The following DHRSX variants were observed in gnomAD, a reference collection of about 807,000 sequenced individuals.
DHRSX encodes dehydrogenase/reductase X-linked, also known as polyprenol dehydrogenase.
DHRSX carries 31 observed loss-of-function variants against 34.0 expected under a neutral mutation model. The observed-to-expected ratio is 0.91, with a 90% confidence interval of 0.69 to 1.23. The LOEUF (loss-of-function observed/expected upper bound fraction) is 1.23. Among genes scored for constraint, DHRSX ranks in the 50% most tolerant of loss-of-function variants. The pLI is 0.00. For synonymous variants in DHRSX, 201 were observed against 183.8 expected, an observed-to-expected ratio of 1.09 and a Z score of -0.76; for missense variants, 414 against 428.1, an observed-to-expected ratio of 0.97 and a Z score of 0.29.
Position 2,493,026 on chromosome X carries a change from C to T in DHRSX, c.109+7791G>A, listed in dbSNP as rs192497968. On this transcript the variant is annotated intron_variant, in intron 1 of 6. Coordinates refer to ENST00000334651, the MANE Select transcript of DHRSX (RefSeq NM_145177.3). ...AGTGCTTTTTAGGGAGACGCCGCCA[C>T]GTGCCAGGTGAGCTGGGCATTGCCA... 5.1e-4 allele frequency among the ~76,000 whole-genome samples: 77 copies of T among 152,354 alleles called. No individual in the cohort carries two copies. In the East Asian group the frequency reaches 0.01, roughly 21 times the overall value.
At chrX:2,225,550 G>A (rs1466062747) in intron 6 of DHRSX, among the ~76,000 whole-genome samples, 1 of 152,198 alleles carries the variant, frequency 6.6e-6, no homozygotes, top group Admixed American at 6.5e-5. Context: ...GGCCTCAGGA[G>A]GAACCAGCCC....
chrX:2,345,811 T>C, intron 3 of DHRSX, among the ~76,000 whole-genome samples: 1 of 152,130 alleles, frequency 6.6e-6, no homozygotes, highest in Admixed American at 6.6e-5. Context: ...CAGATGGACT[T>C]TGGACTCCAA....
chrX:2,474,473 G>A (rs1045820174), intron 1 of DHRSX, among the ~76,000 whole-genome samples: 8 of 147,524 alleles, frequency 5.4e-5, no homozygotes, highest in African/African-American at 2.0e-4. Flanking sequence ...GCCAAAAGAC[G>A]GCACTGAAGA....
chrX:2,270,888 G>GGACCAATCAGCA (rs1569482358), intron 4 of DHRSX, among the ~76,000 whole-genome samples: 1 of 113,120 alleles, frequency 8.8e-6, no homozygotes, highest in African/African-American at 3.1e-5. Context: ...ACCAATCAAT[G>GGACCAATCAGCA]CTCTATAAAA....
intron 3 of DHRSX, among the ~76,000 whole-genome samples, chrX:2,293,261 T>A (rs1490510469): frequency 6.6e-6 from 1 of 151,602 alleles, no homozygotes; most frequent in Admixed American, 6.6e-5. Context: ...CTGTTTTTTT[T>A]TTTTTTTTCC....
intron 5 of DHRSX, among the ~76,000 whole-genome samples, chrX:2,250,559 T>C (rs1220377992): frequency 6.6e-6 from 1 of 152,090 alleles, no homozygotes; most frequent in African/African-American, 2.4e-5. Flanking sequence ...TCATGGCATC[T>C]GTAAACCGTC....
chrX:2,299,348 C>T (rs953177948), intron 3 of DHRSX, among the ~76,000 whole-genome samples: 9 of 152,182 alleles, frequency 5.9e-5, no homozygotes, highest in Non-Finnish European at 1.3e-4. Context: ...CATATGAAGA[C>T]AGGAGATTCA....
At chrX:2,358,099 A>G (rs911682760) in intron 3 of DHRSX, among the ~76,000 whole-genome samples, 1 of 152,180 alleles carries the variant, frequency 6.6e-6, no homozygotes, top group Non-Finnish European at 1.5e-5. Flanking sequence ...TGTTGTTCTA[A>G]TTTAATTTCT....
intron 3 of DHRSX, among the ~76,000 whole-genome samples, chrX:2,373,703 C>G (rs1371357756): frequency 1.3e-5 from 2 of 152,136 alleles, no homozygotes; most frequent in Non-Finnish European, 2.9e-5. Flanking sequence ...ACGTGTGATA[C>G]TTCAAGGGCC....
At chrX:2,363,980 G>A (rs761371026) in intron 3 of DHRSX, among the ~76,000 whole-genome samples, 94 of 132,822 alleles carry the variant, frequency 7.1e-4, no homozygotes, top group African/African-American at 2.2e-3. Flanking sequence ...GGCTGGGTGG[G>A]ATGGAGGAGA....
intron 1 of DHRSX, among the ~76,000 whole-genome samples, chrX:2,443,459 C>T (rs2044087560): frequency 6.6e-6 from 1 of 152,096 alleles, no homozygotes; most frequent in Non-Finnish European, 1.5e-5. Flanking sequence ...AAGTGATGTA[C>T]ATTCTCTACC....
intron 3 of DHRSX, among the ~76,000 whole-genome samples, chrX:2,305,178 G>C (rs2042084378): frequency 2.6e-5 from 4 of 151,994 alleles, no homozygotes; most frequent in Admixed American, 2.6e-4. Context: ...TACAGGGAGG[G>C]GAACAACACA....
At chrX:2,409,259 T>C (rs1186520362) in intron 2 of DHRSX, among the ~76,000 whole-genome samples, 2 of 152,212 alleles carry the variant, frequency 1.3e-5, no homozygotes, top group Non-Finnish European at 2.9e-5. Flanking sequence ...TACTACGTGC[T>C]CAGGATTTCT....
At chrX:2,470,591 C>T (rs1477968550) in intron 1 of DHRSX, among the ~76,000 whole-genome samples, 1 of 152,020 alleles carries the variant, frequency 6.6e-6, no homozygotes, top group Non-Finnish European at 1.5e-5. Flanking sequence ...ACCTGTAGTC[C>T]CAGCTACCTG....
chrX:2,380,987 C>A (rs2043195669), intron 3 of DHRSX, among the ~76,000 whole-genome samples: 1 of 152,134 alleles, frequency 6.6e-6, no homozygotes, highest in Non-Finnish European at 1.5e-5. Flanking sequence ...GCCTCAGCTT[C>A]CTGAGTAGCT....
At chrX:2,431,054 G>A (rs2043913431) in intron 1 of DHRSX, among the ~76,000 whole-genome samples, 1 of 146,176 alleles carries the variant, frequency 6.8e-6, no homozygotes, top group Non-Finnish European at 1.5e-5. Context: ...GGCCGGGCAC[G>A]GTGGCTCATG....
At chrX:2,360,986 T>C (rs2042926561) in intron 3 of DHRSX, among the ~76,000 whole-genome samples, 1 of 152,128 alleles carries the variant, frequency 6.6e-6, no homozygotes, top group Non-Finnish European at 1.5e-5. Context: ...TTTGTGTGTT[T>C]AGTGATGATA....
At chrX:2,448,592 AAT>A (rs1258237626) in intron 1 of DHRSX, among the ~76,000 whole-genome samples, 3 of 152,002 alleles carry the variant, frequency 2.0e-5, no homozygotes, top group South Asian at 2.1e-4. Context: ...CTTGATTATT[AAT>A]ATGTTAATTG....
intron 3 of DHRSX, among the ~76,000 whole-genome samples, chrX:2,390,144 C>CTTTT (rs575599788): frequency 4.7e-5 from 6 of 128,180 alleles, no homozygotes; most frequent in African/African-American, 1.5e-4. Flanking sequence ...GCATTTTAAC[C>CTTTT]TTTTTTTTTT....
Sources: gnomAD v4.1 joint callset for allele counts (sites outside exome capture counted in the v4.1 genomes callset) on GRCh38, gnomAD v4.1.1 for gene constraint, MANE v1.5 for transcripts, NCBI Gene and HGNC (gene_info 2026-07-23, HGNC 2026-07-21) for gene names.